LTO1: variants seen among roughly 807,000 people sequenced by gnomAD.
The protein encoded by LTO1 is protein LTO1 homolog.
A neutral mutation model predicts 19.8 loss-of-function variants in LTO1; 18 were observed. The observed-to-expected ratio is 0.91, with a 90% CI of 0.63 to 1.35. LTO1 has a LOEUF of 1.35. Among genes scored for constraint, LTO1 ranks in the 40% most tolerant of loss-of-function variants. LTO1 has a pLI of 0.00. For synonymous variants in LTO1, 59 were observed against 59.6 expected, an observed-to-expected ratio of 0.99 and a Z score of 0.05; for missense variants, 175 against 167.9, an observed-to-expected ratio of 1.04 and a Z score of -0.23.
chr11:69,673,894 T>A (rs1313830615), intron 1 of LTO1, among the ~76,000 whole-genome samples: 1 of 151,920 alleles, frequency 6.6e-6, no homozygotes, highest in Non-Finnish European at 1.5e-5. Context: ...TCTCGCTTTG[T>A]CGCCCAGGCT....
At chr11:69,670,950 G>A (rs1167103309) in intron 3 of LTO1, among the ~76,000 whole-genome samples, 2 of 152,164 alleles carry the variant, frequency 1.3e-5, no homozygotes, top group Admixed American at 1.3e-4. Flanking sequence ...GCCCAGGCTG[G>A]AGCGCAGTGG....
intron 1 of LTO1, chr11:69,674,907 G>A (rs1443010935): frequency 4.5e-6 from 3 of 672,592 alleles, no homozygotes; most frequent in Admixed American, 4.1e-5. Context: ...AGGCGGCCTC[G>A]GAGGAGGGGA....
chr11:69,675,056 G>A (rs758140386), intron 1 of LTO1, 134 bp downstream of exon 1: 5 of 774,896 alleles, frequency 6.5e-6, no homozygotes, highest in East Asian at 2.7e-5. Context: ...CTGCGTCCAC[G>A]GCCACCAGGC....
At chr11:69,673,497 T>C in intron 1 of LTO1, 176 bp from the exon 2 acceptor site, 1 of 583,462 alleles carries the variant, frequency 1.7e-6, no homozygotes, top group Non-Finnish European at 3.1e-6. Context: ...ACTTCCTATT[T>C]GCCTCTGGAA....
In LTO1 at chr11:69,675,342, A is replaced by G; in HGVS notation, c.-103T>C. The G allele has an allele frequency of 2.1e-6, 2 of 975,534 alleles. No homozygotes were observed. Among genetic ancestry groups the G allele is most frequent in the Non-Finnish European group, 2.9e-6 (2 of 685,152 alleles). 60.4% of individuals were successfully genotyped at this position (975,534 alleles called of 1,614,324 possible). A position where few individuals can be genotyped will look rare whatever the true frequency, so the allele number is the denominator to read the frequency against. On this transcript the variant is annotated 5_prime_UTR_variant, in exon 1 of 5. Transcript: ENST00000279147. Reference sequence around the variant, plus strand: ...CAAATGCTCCGCTTGGGAGGAGACGAGACCCACTTCCGGAAGCGGCGGCGC... The same window carrying G: ...CAAATGCTCCGCTTGGGAGGAGACGGGACCCACTTCCGGAAGCGGCGGCGC...
At position 69,667,960 on chromosome 11, in the gene LTO1, A is replaced by G; in HGVS notation, c.280T>C (p.Tyr94His). 1 of 1,600,276 alleles carries G rather than the reference A, an allele frequency of 6.2e-7. No homozygotes were observed. Among genetic ancestry groups the G allele is most frequent in the Non-Finnish European group, 8.6e-7 (1 of 1,167,348 alleles). The change falls in exon 4 of 5, where the codon TAT (tyrosine) becomes CAT (histidine). Residue 94 changes from tyrosine to histidine, a missense_variant. Tyr to His is a moderately conservative substitution (Grantham distance 83, BLOSUM62 2). Coordinates refer to ENST00000279147, the MANE Select transcript of LTO1 (RefSeq NM_153451.3). ...AGTTTATCGTAAGTAGGGTCATCAT[A>G]AGGGAATTTCTGGATCATTCCAATC... ...SLIGMIQKFP[Y>H]DDPTYDKLHE... is the part of the protein sequence containing the mutation.
At chr11:69,668,198 A>T (rs1856061459) in intron 3 of LTO1, 186 bp from the exon 4 acceptor site, 2 of 555,034 alleles carry the variant, frequency 3.6e-6, no homozygotes, top group South Asian at 4.4e-5. Context: ...GCTTAGGCCC[A>T]TACCCAGTGC....
At chr11:69,673,403 CG>C in intron 1 of LTO1, 82 bp from the exon 2 acceptor site, 1 of 932,556 alleles carries the variant, frequency 1.1e-6, no homozygotes, top group Non-Finnish European at 1.7e-6. Flanking sequence ...TTGTATTACC[CG>C]GACCCAGTAA....
At chr11:69,674,988 G>A (rs1290091894) in intron 1 of LTO1, 7 of 692,820 alleles carry the variant, frequency 1.0e-5, no homozygotes, top group Admixed American at 4.1e-5. Context: ...AGCTGGGCAC[G>A]TGCCCCGCCG....
chr11:69,667,779 T>C, intron 4 of LTO1, 116 bp downstream of exon 4: 2 of 742,558 alleles, frequency 2.7e-6, no homozygotes, highest in Non-Finnish European at 4.8e-6. Context: ...CTACGGACAG[T>C]TCCGCGGCGC....
intron 3 of LTO1, 30 bp from the exon 4 acceptor site, chr11:69,668,042 T>C: frequency 1.9e-6 from 2 of 1,079,384 alleles, no homozygotes; most frequent in Non-Finnish European, 2.9e-6. Context: ...AGACTCTCAG[T>C]CATGTGCACA....
rs1034039012 is a variant in LTO1 at position 69,667,392 on chromosome 11, G to A, written c.*127C>T. The A allele has an allele frequency of 2.4e-5, 17 of 708,350 alleles. No homozygotes were observed. Among genetic ancestry groups the A allele is most frequent in the Non-Finnish European group, 3.8e-5 (15 of 399,214 alleles). The allele number at this position is 708,350 out of a possible 1,614,324, so 43.9% of individuals were successfully genotyped here. The stretch of plus-strand genomic sequence containing the variant: ...CAGGGAAGGAAGCCCTCCCACGGCC[G>A]AACCGGAACCCTCACCCTCCCAATG... On this transcript the variant is annotated 3_prime_UTR_variant, in exon 5 of 5. Coordinates refer to ENST00000279147, the MANE Select transcript of LTO1 (RefSeq NM_153451.3).
intron 3 of LTO1, among the ~76,000 whole-genome samples, chr11:69,671,151 G>A (rs565458994): frequency 6.6e-6 from 1 of 152,078 alleles, no homozygotes; most frequent in South Asian, 2.1e-4. Context: ...TGCCCGCCTC[G>A]GCCTCCCAAA....
At chr11:69,672,439 AAT>A (rs1408968849) in intron 2 of LTO1, 4 of 156,966 alleles carry the variant, frequency 2.5e-5, no homozygotes, top group African/African-American at 9.6e-5. Context: ...TCGAACATCC[AAT>A]ATAGTCATAA....
intron 3 of LTO1, 200 bp from the exon 4 acceptor site, chr11:69,668,212 G>C (rs376034789): frequency 1.9e-5 from 10 of 523,426 alleles, no homozygotes; most frequent in East Asian, 6.3e-5. Flanking sequence ...CCAGTGCCTC[G>C]ACAGCAAGTG....
chr11:69,667,842 G>C (rs1856054455), intron 4 of LTO1, 53 bp downstream of exon 4: 1 of 965,026 alleles, frequency 1.0e-6, no homozygotes, highest in Admixed American at 1.7e-5. Flanking sequence ...TGCCCCGCCT[G>C]GGAAAGGCGC....
At chr11:69,673,087 G>A (rs537853847) in intron 2 of LTO1, 129 bp downstream of exon 2, 522 of 721,360 alleles carry the variant, frequency 7.2e-4, no homozygotes, top group Non-Finnish European at 1.2e-3. Context: ...ACAGGTGTGA[G>A]TCACCGCGCC....
At position 69,673,296 on chromosome 11, in the gene LTO1, C is replaced by G; in HGVS notation, c.76G>C (p.Gly26Arg). ...ERFHGEGYRE[G>R]YEEGSSLGVM... ...CCCAAACTACTGCCTTCTTCATAGC[C>G]TTCCCGATACCCTTCCCCATGAAAC... The change falls in exon 2 of 5, where the codon GGC becomes CGC. Residue 26 changes from glycine (G) to arginine (R), a missense_variant. Coordinates refer to ENST00000279147, the MANE Select transcript of LTO1 (RefSeq NM_153451.3). 6.2e-7 allele frequency: 1 copy of G among 1,612,144 alleles called. No homozygotes were observed. The highest frequency in any genetic ancestry group is 8.5e-7 in the Non-Finnish European group (1 of 1,178,148).
chr11:69,674,515 G>C (rs1398011728), intron 1 of LTO1: 1 of 340,230 alleles, frequency 2.9e-6, no homozygotes, highest in Non-Finnish European at 5.8e-6. Flanking sequence ...GTGCCTCCTA[G>C]TCTGTAAATT....
Sources: gnomAD v4.1 joint callset for allele counts (sites outside exome capture counted in the v4.1 genomes callset) on GRCh38, gnomAD v4.1.1 for gene constraint, MANE v1.5 for transcripts, NCBI Gene and HGNC (gene_info 2026-07-23, HGNC 2026-07-21) for gene names.